Variants in PCDHA4 observed in about 807,000 individuals in gnomAD.
PCDHA4 encodes the protein protocadherin alpha-4.
Under a neutral mutation model 61.4 loss-of-function variants are expected in PCDHA4, and 49 were observed. The observed-to-expected ratio is 0.80, with a 90% CI of 0.63 to 1.01. PCDHA4 has a LOEUF of 1.01. Among genes scored for constraint, PCDHA4 ranks in the 50% least tolerant of loss-of-function variants. The pLI is 0.00. For synonymous variants in PCDHA4, 590 were observed against 550.3 expected (o/e 1.07, Z -1.01); for missense variants, 1,254 against 1,235.8 (o/e 1.01, Z -0.22).
At chr5:140,849,935 G>T (rs2150458512) in intron 1 of PCDHA4, 2 of 1,597,924 alleles carry the variant, frequency 1.3e-6, no homozygotes, top group African/African-American at 2.7e-5. Context: ...TGTCTGCGCG[G>T]GACGCTGACG....
chr5:140,938,026 A>T (rs2091889452), intron 1 of PCDHA4, among the ~76,000 whole-genome samples: 1 of 152,144 alleles, frequency 6.6e-6, no homozygotes, highest in Non-Finnish European at 1.5e-5. Context: ...GTAAAATCTC[A>T]TATTTTTATA....
At chr5:140,879,672 G>C (rs1256239319) in intron 1 of PCDHA4, among the ~76,000 whole-genome samples, 1 of 152,160 alleles carries the variant, frequency 6.6e-6, no homozygotes, top group East Asian at 1.9e-4. Flanking sequence ...ACACAAACTG[G>C]GTGCTGTAAA....
chr5:140,928,616 G>A, intron 1 of PCDHA4: 2 of 1,614,226 alleles, frequency 1.2e-6, no homozygotes, highest in Non-Finnish European at 8.5e-7. Flanking sequence ...CGCTCTGCCA[G>A]GACTGGACAC....
chr5:140,809,496 T>A lies in PCDHA4; in HGVS notation c.2309T>A (p.Met770Lys). ...GAGGGCCCACCCAAGACCGACCTCA[T>A]GGCCTTCAGCCCCAGTTTACCTGAC... Reference protein sequence around the residue: ...SGEGPPKTDLMAFSPSLPDSR... With the variant: ...SGEGPPKTDLKAFSPSLPDSR... The change falls in exon 1 of 4, where the codon ATG becomes AAG. Residue 770 changes from methionine (M) to lysine (K), a missense_variant. Physicochemically the swap from Met to Lys is moderately conservative, Grantham distance 95. Coordinates refer to ENST00000530339, the MANE Select transcript of PCDHA4 (RefSeq NM_018907.4). The A allele has an allele frequency of 3.1e-6, 5 of 1,614,246 alleles. No homozygotes were observed. Among genetic ancestry groups the A allele is most frequent in the Non-Finnish European group, 4.2e-6 (5 of 1,180,030 alleles).
At chr5:140,830,237 C>T (rs2150183295) in intron 1 of PCDHA4, 2 of 1,613,954 alleles carry the variant, frequency 1.2e-6, no homozygotes, top group Non-Finnish European at 1.7e-6. Context: ...CCTCACGCTA[C>T]TGCTGTACAC....
chr5:140,841,459 C>T, intron 1 of PCDHA4: 2 of 1,612,886 alleles, frequency 1.2e-6, no homozygotes, highest in South Asian at 1.1e-5. Context: ...CCTTCGTGGG[C>T]CGGATCGCGC....
chr5:140,874,321 T>C (rs1476462736), intron 1 of PCDHA4, among the ~76,000 whole-genome samples: 2 of 151,726 alleles, frequency 1.3e-5, no homozygotes, highest in Non-Finnish European at 2.9e-5. Flanking sequence ...TGTAGGATCT[T>C]ATCTGTTTTT....
At chr5:140,824,188 A>C in intron 1 of PCDHA4, 2 of 1,604,144 alleles carry the variant, frequency 1.2e-6, no homozygotes, top group Non-Finnish European at 8.5e-7. Flanking sequence ...TAAATGTCAC[A>C]TTCACCCACT....
At chr5:140,833,865 GA>G (rs1242582364) in intron 1 of PCDHA4, among the ~76,000 whole-genome samples, 1 of 152,098 alleles carries the variant, frequency 6.6e-6, no homozygotes, top group African/African-American at 2.4e-5. Flanking sequence ...ACTGAATCAA[GA>G]ATATGAAGTT....
At chr5:140,897,900 A>G (rs1173970358) in intron 1 of PCDHA4, among the ~76,000 whole-genome samples, 5 of 152,140 alleles carry the variant, frequency 3.3e-5, no homozygotes, top group Non-Finnish European at 5.9e-5. Context: ...GTGAGATGGT[A>G]TCTCATTGTG....
chr5:140,896,583 G>T (rs557774521), intron 1 of PCDHA4, among the ~76,000 whole-genome samples: 1 of 151,654 alleles, frequency 6.6e-6, no homozygotes, highest in South Asian at 2.1e-4. Context: ...TGACGTGTTG[G>T]CCAGGCTGGT....
chr5:140,926,972 C>T (rs782504064), intron 1 of PCDHA4: 1 of 1,609,464 alleles, frequency 6.2e-7, no homozygotes. Context: ...TACTCAGTGC[C>T]GGAGGAGACG....
At chr5:140,927,478 C>A (rs959432734) in intron 1 of PCDHA4, 1 of 1,614,062 alleles carries the variant, frequency 6.2e-7, no homozygotes, top group Non-Finnish European at 8.5e-7. Context: ...TCGCGAACAG[C>A]GCGCCACCCA....
Position 140,850,115 on chromosome 5 carries a change from G to C in PCDHA4, c.2385+40543G>C, listed in dbSNP as rs2150468444. ...AGTTCCAGGTGAGCGCGCGCGACGCGGGCGTGCCGCCTCTGGGCAGCAACG... is the reference window on the plus strand; with the variant it reads ...AGTTCCAGGTGAGCGCGCGCGACGCCGGCGTGCCGCCTCTGGGCAGCAACG... On this transcript the variant is annotated intron_variant, in intron 1 of 3. Transcript: ENST00000530339. The C allele has an allele frequency of 8.1e-6, 13 of 1,596,094 alleles. 2 individuals are homozygous for C. Among genetic ancestry groups the C allele is most frequent in the Non-Finnish European group, 1.1e-5 (13 of 1,167,854 alleles).
intron 1 of PCDHA4, chr5:140,825,004 C>T (rs1554130121): frequency 6.6e-6 from 1 of 151,952 alleles, no homozygotes; most frequent in East Asian, 1.9e-4. Context: ...ACATGGTTTA[C>T]TGTTCTAAAG....
intron 1 of PCDHA4, among the ~76,000 whole-genome samples, chr5:140,890,076 C>G (rs2062479072): frequency 6.6e-6 from 1 of 152,150 alleles, no homozygotes. Flanking sequence ...CTTATGAGAA[C>G]TGATAATGCA....
intron 1 of PCDHA4, among the ~76,000 whole-genome samples, chr5:140,946,990 C>T (rs181802680): frequency 2.6e-5 from 4 of 151,580 alleles, no homozygotes; most frequent in African/African-American, 9.7e-5. Context: ...TTTGAGTGTT[C>T]TAACTTCAAA....
intron 1 of PCDHA4, among the ~76,000 whole-genome samples, chr5:140,891,347 A>G (rs1554184792): frequency 6.6e-6 from 1 of 151,926 alleles, no homozygotes; most frequent in African/African-American, 2.4e-5. Context: ...ATTTTGGTGC[A>G]TCCATCACCT....
At chr5:140,851,889 A>G in intron 1 of PCDHA4, 1 of 976,024 alleles carries the variant, frequency 1.0e-6, no homozygotes, top group East Asian at 1.1e-4. Context: ...TCTGGATATG[A>G]GATTTGCCTC....
Sources: allele counts gnomAD v4.1 joint callset (sites outside exome capture counted in the v4.1 genomes callset), GRCh38; gene constraint gnomAD v4.1.1; transcripts MANE v1.5; gene names NCBI Gene and HGNC (gene_info 2026-07-23, HGNC 2026-07-21).